The following MIPOL1 variants were observed in gnomAD, a reference collection of about 807,000 sequenced individuals.
MIPOL1 encodes mirror-image polydactyly 1.
MIPOL1 carries 57 observed loss-of-function variants against 60.9 expected under a neutral mutation model. The ratio of observed to expected loss-of-function variants is 0.94; its 90% CI spans 0.76 to 1.17. The LOEUF is 1.17. Among genes scored for constraint, MIPOL1 ranks in the 50% most tolerant of loss-of-function variants. The probability of loss-of-function intolerance (pLI) is 0.00; values close to 1 mark genes in which losing one functional copy is unlikely to be tolerated. For synonymous variants in MIPOL1, 179 were observed against 168.8 expected (o/e 1.06, Z -0.47); for missense variants, 551 against 511.6 (o/e 1.08, Z -0.74).
At chr14:37,213,520 GAAAAGAC>G (rs1290275223) in intron 1 of MIPOL1, among the ~76,000 whole-genome samples, 1 of 151,926 alleles carries the variant, frequency 6.6e-6, no homozygotes, top group Admixed American at 6.6e-5. Context: ...TACACAGTCA[GAAAAGAC>G]AAAAGAAAAA....
Position 37,351,065 on chromosome 14 carries a change from C to A in MIPOL1, c.829-18452C>A, listed in dbSNP as rs1421647679. On this transcript the variant is annotated intron_variant, in intron 9 of 12. Transcript: ENST00000684589. ...CAATGCTATCCCTCCCCCCTCCCCCCACCCCACAACGGTCCCCAGAGTGTG... is the reference window on the plus strand; with the variant it reads ...CAATGCTATCCCTCCCCCCTCCCCCAACCCCACAACGGTCCCCAGAGTGTG... Among the ~76,000 whole-genome samples, 33 of 119,754 alleles carry A rather than the reference C, an allele frequency of 2.8e-4. 1 individual carries two copies. The highest frequency in any genetic ancestry group is 1.4e-3 in the South Asian group (4 of 2,852). 78.6% of individuals were successfully genotyped at this position (119,754 alleles called of 152,430 possible).
chr14:37,280,598 A>G (rs942249000), intron 6 of MIPOL1, among the ~76,000 whole-genome samples: 1 of 152,110 alleles, frequency 6.6e-6, no homozygotes, highest in Admixed American at 6.6e-5. Flanking sequence ...TATAACTGTT[A>G]ACCATTTGTG....
chr14:37,530,828 T>C (rs2095474424), intron 12 of MIPOL1, among the ~76,000 whole-genome samples: 1 of 152,090 alleles, frequency 6.6e-6, no homozygotes, highest in South Asian at 2.1e-4. Context: ...AGGATTTTTT[T>C]TTTTTTTAAG....
chr14:37,432,883 T>C (rs1214500435), intron 11 of MIPOL1, among the ~76,000 whole-genome samples: 1 of 152,162 alleles, frequency 6.6e-6, no homozygotes, highest in Non-Finnish European at 1.5e-5. Context: ...AGGATTATAG[T>C]ATGACATGTT....
chr14:37,468,125 C>G (rs1021910026), intron 11 of MIPOL1, among the ~76,000 whole-genome samples: 1 of 150,494 alleles, frequency 6.6e-6, no homozygotes, highest in African/African-American at 2.4e-5. Context: ...CAAGCATTTT[C>G]TATGTGACAA....
chr14:37,334,144 A>G (rs1018021668), intron 9 of MIPOL1, among the ~76,000 whole-genome samples: 1 of 152,084 alleles, frequency 6.6e-6, no homozygotes, highest in Non-Finnish European at 1.5e-5. Context: ...ACACAGCTTC[A>G]TGCTAATACA....
chr14:37,511,509 T>C (rs1386423384), intron 12 of MIPOL1, among the ~76,000 whole-genome samples: 1 of 152,172 alleles, frequency 6.6e-6, no homozygotes, highest in Admixed American at 6.6e-5. Flanking sequence ...CTAATCCCCA[T>C]TTATTAAAGA....
chr14:37,452,043 C>G (rs962238592), intron 11 of MIPOL1, among the ~76,000 whole-genome samples: 1 of 151,728 alleles, frequency 6.6e-6, no homozygotes, highest in African/African-American at 2.4e-5. Context: ...TCTCGATCTC[C>G]TGACCTCGTG....
intron 12 of MIPOL1, chr14:37,505,250 C>G (rs928672886): frequency 6.6e-6 from 1 of 152,182 alleles, no homozygotes; most frequent in South Asian, 2.1e-4. Context: ...TAACTCATTT[C>G]ATGAGGCCAG....
At chr14:37,236,072 G>A (rs1212893186) in intron 1 of MIPOL1, among the ~76,000 whole-genome samples, 6 of 150,608 alleles carry the variant, frequency 4.0e-5, no homozygotes, top group Non-Finnish European at 5.9e-5. Flanking sequence ...GATTACAGGC[G>A]CATGCCACCA....
intron 11 of MIPOL1, among the ~76,000 whole-genome samples, chr14:37,433,543 C>T (rs533227402): frequency 1.3e-5 from 2 of 152,142 alleles, no homozygotes; most frequent in East Asian, 3.9e-4. Flanking sequence ...CTGCAAAGGA[C>T]ATGAACTCAT....
At chr14:37,245,324 TAAA>T (rs1173945116) in intron 1 of MIPOL1, among the ~76,000 whole-genome samples, 1 of 152,136 alleles carries the variant, frequency 6.6e-6, no homozygotes, top group African/African-American at 2.4e-5. Flanking sequence ...CATTGGTACT[TAAA>T]GAAGAAAGAT....
intron 11 of MIPOL1, among the ~76,000 whole-genome samples, chr14:37,434,860 A>C (rs977635734): frequency 4.6e-5 from 7 of 152,120 alleles, no homozygotes; most frequent in Non-Finnish European, 1.0e-4. Flanking sequence ...CAAAAAAAAA[A>C]AAAAAACAAA....
chr14:37,447,422 C>T (rs2153571728), intron 11 of MIPOL1, among the ~76,000 whole-genome samples: 1 of 152,170 alleles, frequency 6.6e-6, no homozygotes, highest in East Asian at 1.9e-4. Flanking sequence ...GTGAAAGATG[C>T]CCATCACACT....
chr14:37,362,031 A>G (rs918685395), intron 9 of MIPOL1, among the ~76,000 whole-genome samples: 1 of 152,098 alleles, frequency 6.6e-6, no homozygotes, highest in Non-Finnish European at 1.5e-5. Flanking sequence ...GGTCTCCTGA[A>G]CACAGCACAC....
intron 12 of MIPOL1, among the ~76,000 whole-genome samples, chr14:37,541,452 C>T (rs1379897814): frequency 6.6e-6 from 1 of 152,190 alleles, no homozygotes; most frequent in Non-Finnish European, 1.5e-5. Context: ...CGCAAACCTA[C>T]CCCCAAAGTA....
At chr14:37,361,697 C>T (rs1217705201) in intron 9 of MIPOL1, among the ~76,000 whole-genome samples, 2 of 145,406 alleles carry the variant, frequency 1.4e-5, no homozygotes, top group East Asian at 2.1e-4. Flanking sequence ...GCTCCGCCTT[C>T]CCCGGGTTCA....
chr14:37,276,875 G>C (rs986528189), intron 6 of MIPOL1: 1 of 151,122 alleles, frequency 6.6e-6, no homozygotes, highest in Non-Finnish European at 1.5e-5. Context: ...AAACACAGCA[G>C]GTAGAAATAT....
intron 3 of MIPOL1, among the ~76,000 whole-genome samples, chr14:37,260,532 G>C (rs185974877): frequency 1.3e-5 from 2 of 152,226 alleles, no homozygotes; most frequent in East Asian, 3.9e-4. Flanking sequence ...CATAGTTGTG[G>C]TTGGTAATTA....
Sources: gnomAD v4.1 joint callset for allele counts (sites outside exome capture counted in the v4.1 genomes callset) on GRCh38, gnomAD v4.1.1 for gene constraint, MANE v1.5 for transcripts, NCBI Gene and HGNC (gene_info 2026-07-23, HGNC 2026-07-21) for gene names.